GRID2: variants seen among roughly 807,000 people sequenced by gnomAD.
The protein encoded by GRID2 is glutamate ionotropic receptor delta type subunit 2.
GRID2 carries 33 observed loss-of-function variants against 114.8 expected under a neutral mutation model. That is an observed-to-expected ratio of 0.29 (90% CI 0.22 to 0.38). GRID2 has a LOEUF of 0.38. GRID2 is among the 10% of genes least tolerant of loss of function. The pLI, the probability that GRID2 is intolerant of heterozygous loss-of-function variation, is 1.00. For synonymous variants in GRID2, 505 were observed against 449.9 expected (o/e 1.12, Z -1.55); for missense variants, 1,184 against 1,257.7 (o/e 0.94, Z 0.89).
At chr4:92,469,568 A>G (rs1340372708) in intron 1 of GRID2, among the ~76,000 whole-genome samples, 2 of 151,980 alleles carry the variant, frequency 1.3e-5, no homozygotes, top group East Asian at 3.8e-4. Context: ...ATTATTTCTT[A>G]AAAAATATTT....
At chr4:92,735,023 C>A (rs1175507032) in intron 2 of GRID2, among the ~76,000 whole-genome samples, 1 of 151,994 alleles carries the variant, frequency 6.6e-6, no homozygotes, top group Non-Finnish European at 1.5e-5. Flanking sequence ...AAGCAATCCA[C>A]CTTCCTTGGC....
intron 2 of GRID2, among the ~76,000 whole-genome samples, chr4:92,926,715 G>A (rs1749835535): frequency 6.6e-6 from 1 of 151,898 alleles, no homozygotes; most frequent in Non-Finnish European, 1.5e-5. Flanking sequence ...GAGAACATCT[G>A]AGACTGGGTA....
intron 3 of GRID2, among the ~76,000 whole-genome samples, chr4:93,106,203 A>G (rs1732212700): frequency 1.3e-5 from 2 of 152,216 alleles, no homozygotes; most frequent in African/African-American, 4.8e-5. Context: ...CCTTGAGGTC[A>G]GGAACCATAT....
chr4:93,089,906 GA>G (rs1730632251), intron 3 of GRID2, among the ~76,000 whole-genome samples: 1 of 152,076 alleles, frequency 6.6e-6, no homozygotes, highest in Non-Finnish European at 1.5e-5. Context: ...AAACAATGTG[GA>G]GCAGTTCAAG....
intron 1 of GRID2, among the ~76,000 whole-genome samples, chr4:92,482,747 G>C (rs894410837): frequency 6.6e-6 from 1 of 152,076 alleles, no homozygotes; most frequent in African/African-American, 2.4e-5. Context: ...ATCTAGAGAC[G>C]CATAACTTAA....
At chr4:93,501,347 A>G (rs1282485270) in intron 12 of GRID2, among the ~76,000 whole-genome samples, 5 of 151,942 alleles carry the variant, frequency 3.3e-5, no homozygotes, top group Non-Finnish European at 7.4e-5. Flanking sequence ...TGCACACTTT[A>G]TTAGGAGGAG....
intron 8 of GRID2, among the ~76,000 whole-genome samples, chr4:93,280,039 T>C (rs1236461504): frequency 6.6e-6 from 1 of 151,866 alleles, no homozygotes; most frequent in Non-Finnish European, 1.5e-5. Flanking sequence ...AGCTATGAAG[T>C]TGTTGCAGAA....
chr4:92,653,164 AT>A (rs969437407), intron 2 of GRID2, among the ~76,000 whole-genome samples: 19 of 149,608 alleles, frequency 1.3e-4, no homozygotes, highest in African/African-American at 4.7e-4. Flanking sequence ...CACCCGGCTA[AT>A]TTTTTTGTAT....
intron 1 of GRID2, among the ~76,000 whole-genome samples, chr4:93,804,505 G>A (rs180877849): frequency 6.6e-6 from 1 of 152,218 alleles, no homozygotes; most frequent in African/African-American, 2.4e-5. Context: ...TCTAAACATA[G>A]GAAAGGTACA....
intron 8 of GRID2, among the ~76,000 whole-genome samples, chr4:93,388,508 C>T (rs1764545127): frequency 6.6e-6 from 1 of 152,180 alleles, no homozygotes; most frequent in South Asian, 2.1e-4. Flanking sequence ...ATGCCTTACT[C>T]AAGAAACCGT....
At chr4:92,841,581 C>T (rs901125562) in intron 2 of GRID2, among the ~76,000 whole-genome samples, 1 of 151,812 alleles carries the variant, frequency 6.6e-6, no homozygotes. Flanking sequence ...TTTAACATTC[C>T]AGATGCAGTC....
chr4:92,599,853 C>T (rs1418360714), intron 2 of GRID2, among the ~76,000 whole-genome samples: 1 of 151,482 alleles, frequency 6.6e-6, no homozygotes, highest in Non-Finnish European at 1.5e-5. Context: ...GGTGAAACCC[C>T]GTCTCTACCT....
intron 2 of GRID2, among the ~76,000 whole-genome samples, chr4:92,801,715 A>G (rs1740181309): frequency 6.6e-6 from 1 of 151,968 alleles, no homozygotes; most frequent in Non-Finnish European, 1.5e-5. Context: ...TAGTGTAATA[A>G]TACATATAGG....
chr4:93,290,473 G>A (rs766995764), intron 8 of GRID2, among the ~76,000 whole-genome samples: 6 of 152,198 alleles, frequency 3.9e-5, no homozygotes, highest in Admixed American at 3.3e-4. Context: ...CATCTTTAAT[G>A]TCAGGTGATG....
chr4:92,314,982 T>C (rs1441962609), intron 1 of GRID2, among the ~76,000 whole-genome samples: 1 of 152,148 alleles, frequency 6.6e-6, no homozygotes, highest in Non-Finnish European at 1.5e-5. Context: ...CTTTTACTTA[T>C]TTGTGCTAAA....
chr4:93,661,200 G>T (rs973337601), intron 14 of GRID2, among the ~76,000 whole-genome samples: 1 of 152,188 alleles, frequency 6.6e-6, no homozygotes, highest in African/African-American at 2.4e-5. Flanking sequence ...CTCCAAATCA[G>T]TTCTTGCATT....
chr4:93,486,028 A>G (rs1326727258), intron 11 of GRID2, among the ~76,000 whole-genome samples: 3 of 151,610 alleles, frequency 2.0e-5, no homozygotes, highest in Non-Finnish European at 3.0e-5. Flanking sequence ...ATCTTCCTTT[A>G]TTTTACTCAA....
At chr4:92,415,740 G>GTATATATATATATATA (rs70940888) in intron 1 of GRID2, among the ~76,000 whole-genome samples, 15 of 82,210 alleles carry the variant, frequency 1.8e-4, no homozygotes, top group Non-Finnish European at 2.4e-4. Flanking sequence ...GTGTATGTGT[G>GTATATATATATATATA]TATATATATA....
intron 2 of GRID2, among the ~76,000 whole-genome samples, chr4:92,809,292 A>G (rs1740556760): frequency 6.6e-6 from 1 of 152,068 alleles, no homozygotes; most frequent in African/African-American, 2.4e-5. Flanking sequence ...GAAAATAATC[A>G]GCAGTAAATT....
Sources: gnomAD v4.1 joint callset for allele counts (sites outside exome capture counted in the v4.1 genomes callset) on GRCh38, gnomAD v4.1.1 for gene constraint, MANE v1.5 for transcripts, NCBI Gene and HGNC (gene_info 2026-07-23, HGNC 2026-07-21) for gene names.